NRG1: variants seen among roughly 807,000 people sequenced by gnomAD.
NRG1 encodes the protein pro-neuregulin-1, membrane-bound isoform.
A neutral mutation model predicts 63.8 loss-of-function variants in NRG1; 18 were observed. The observed-to-expected ratio is 0.28, with a 90% CI of 0.19 to 0.42. The LOEUF is 0.42. NRG1 is among the 10% of genes least tolerant of loss of function. NRG1 has a pLI of 1.00. For missense variants in NRG1, 762 were observed against 814.7 expected, an observed-to-expected ratio of 0.94 and a Z score of 0.79; for synonymous variants, 302 against 301.3, an observed-to-expected ratio of 1.00 and a Z score of -0.02.
At chr8:32,314,762 G>C (rs1457190139) in intron 1 of NRG1, among the ~76,000 whole-genome samples, 1 of 152,192 alleles carries the variant, frequency 6.6e-6, no homozygotes, top group Non-Finnish European at 1.5e-5. Context: ...GAAGCCCCCA[G>C]ATGGGTCCCT....
At chr8:32,719,195 A>C (rs1354013767) in intron 5 of NRG1, among the ~76,000 whole-genome samples, 1 of 152,146 alleles carries the variant, frequency 6.6e-6, no homozygotes, top group East Asian at 1.9e-4. Context: ...CAATATAAAG[A>C]CATGTTTTGA....
chr8:32,352,430 T>C (rs1164346828), intron 1 of NRG1, among the ~76,000 whole-genome samples: 3 of 151,428 alleles, frequency 2.0e-5, no homozygotes, highest in East Asian at 3.9e-4. Context: ...TCTATAATTG[T>C]ATAAATCTGG....
intron 1 of NRG1, among the ~76,000 whole-genome samples, chr8:32,401,224 T>C (rs561317998): frequency 6.6e-6 from 1 of 152,170 alleles, no homozygotes; most frequent in Non-Finnish European, 1.5e-5. Flanking sequence ...TGAAATAACC[T>C]GTACACCAAA....
rs183942449 is a variant in NRG1, at chr8:32,672,272, C to T, written c.502+55387C>T. 1.3e-4 allele frequency among the ~76,000 whole-genome samples: 20 copies of T among 152,276 alleles called. No homozygotes were observed. The East Asian group carries it at 3.9e-3, about 29-fold the overall frequency. ...TATTGGCCAGGCTGGTCTCGAACTCCTGACCTTGTGATCCACCCTCCTTGG... is the reference window on the plus strand; with the variant it reads ...TATTGGCCAGGCTGGTCTCGAACTCTTGACCTTGTGATCCACCCTCCTTGG... On this transcript the variant is annotated intron_variant, in intron 5 of 11. Coordinates refer to ENST00000356819, the Ensembl canonical transcript of NRG1.
intron 5 of NRG1, among the ~76,000 whole-genome samples, chr8:32,633,820 G>A (rs1183598750): frequency 1.3e-5 from 2 of 152,002 alleles, no homozygotes; most frequent in African/African-American, 2.4e-5. Flanking sequence ...AAAAATAACT[G>A]AAGGAACGAA....
intron 1 of NRG1, among the ~76,000 whole-genome samples, chr8:32,286,079 G>A (rs1453104679): frequency 2.0e-5 from 3 of 152,124 alleles, no homozygotes; most frequent in Non-Finnish European, 4.4e-5. Flanking sequence ...AATTTTTAAA[G>A]ATCCTTTAGA....
At chr8:32,484,838 T>G (rs1825722018) in intron 1 of NRG1, among the ~76,000 whole-genome samples, 1 of 152,182 alleles carries the variant, frequency 6.6e-6, no homozygotes, top group African/African-American at 2.4e-5. Context: ...TGCTTAAAAT[T>G]TATATGAATT....
chr8:31,764,398 C>T (rs1485202789), intron 1 of NRG1, among the ~76,000 whole-genome samples: 3 of 152,154 alleles, frequency 2.0e-5, no homozygotes, highest in African/African-American at 7.2e-5. Flanking sequence ...GACTTCCCTC[C>T]TGACCCCATT....
upstream of NRG1, among the ~76,000 whole-genome samples, chr8:32,545,745 G>A (rs538826283): frequency 4.6e-5 from 7 of 152,086 alleles, no homozygotes; most frequent in East Asian, 3.9e-4. Flanking sequence ...AAGACCTAAC[G>A]ATTTTTAGAA....
chr8:32,749,788 TC>T, intron 7 of NRG1: 1 of 599,548 alleles, frequency 1.7e-6, no homozygotes, highest in South Asian at 2.1e-5. Context: ...GGTTTTAGAT[TC>T]CTAAGCATCC....
At chr8:31,651,526 G>A (rs891639505) in intron 1 of NRG1, among the ~76,000 whole-genome samples, 1 of 152,140 alleles carries the variant, frequency 6.6e-6, no homozygotes, top group Non-Finnish European at 1.5e-5. Flanking sequence ...GTTTTCAGGG[G>A]GGTGGCAGCA....
intron 1 of NRG1, among the ~76,000 whole-genome samples, chr8:31,734,550 A>G (rs1814455712): frequency 6.6e-6 from 1 of 152,206 alleles, no homozygotes; most frequent in Non-Finnish European, 1.5e-5. Context: ...AAAAAGTGGA[A>G]GCTTTTTTTT....
At chr8:31,814,850 T>C (rs1309802406) in intron 1 of NRG1, among the ~76,000 whole-genome samples, 5 of 152,014 alleles carry the variant, frequency 3.3e-5, no homozygotes, top group Non-Finnish European at 7.4e-5. Flanking sequence ...GAAGTATATT[T>C]CTCTTGTTCT....
At chr8:31,692,650 C>G (rs147562621) in intron 1 of NRG1, among the ~76,000 whole-genome samples, 3 of 152,256 alleles carry the variant, frequency 2.0e-5, no homozygotes, top group East Asian at 3.9e-4. Context: ...GAATCAGCTG[C>G]CTTGATATGG....
intron 1 of NRG1, among the ~76,000 whole-genome samples, chr8:32,438,054 C>T (rs1048535354): frequency 5.9e-5 from 9 of 152,108 alleles, no homozygotes; most frequent in Admixed American, 1.3e-4. Flanking sequence ...CCAGTTTCCT[C>T]CAATGGTGAC....
chr8:31,994,244 G>T (rs1586335633), intron 1 of NRG1, among the ~76,000 whole-genome samples: 1 of 152,082 alleles, frequency 6.6e-6, no homozygotes, highest in East Asian at 2.0e-4. Context: ...AATCTGTAAA[G>T]AAGGAACCCA....
At chr8:32,615,199 A>G (rs1444378820) in intron 4 of NRG1, among the ~76,000 whole-genome samples, 3 of 152,098 alleles carry the variant, frequency 2.0e-5, no homozygotes, top group Non-Finnish European at 4.4e-5. Context: ...TTTCTTCACA[A>G]GCTATGAATT....
At chr8:32,271,444 A>G (rs1851534603) in intron 1 of NRG1, among the ~76,000 whole-genome samples, 1 of 152,140 alleles carries the variant, frequency 6.6e-6, no homozygotes, top group African/African-American at 2.4e-5. Flanking sequence ...TCACCACGTA[A>G]ATTCCTGGGC....
chr8:32,151,731 CA>C (rs1165974784), intron 1 of NRG1, among the ~76,000 whole-genome samples: 1 of 152,170 alleles, frequency 6.6e-6, no homozygotes, highest in East Asian at 1.9e-4. Flanking sequence ...GCTGGAAGAA[CA>C]GGGGCAGATC....
Sources: gnomAD v4.1 joint callset for allele counts (sites outside exome capture counted in the v4.1 genomes callset) on GRCh38, gnomAD v4.1.1 for gene constraint, MANE v1.5 for transcripts, NCBI Gene and HGNC (gene_info 2026-07-23, HGNC 2026-07-21) for gene names.